SLC4A7: variants seen among roughly 807,000 people sequenced by gnomAD.
SLC4A7 encodes solute carrier family 4 member 7, also known as sodium bicarbonate cotransporter 3.
SLC4A7 carries 51 observed loss-of-function variants against 137.6 expected under a neutral mutation model. The ratio of observed to expected loss-of-function variants is 0.37; its 90% CI spans 0.30 to 0.47. SLC4A7 has a LOEUF of 0.47. Among genes scored for constraint, SLC4A7 ranks in the 20% least tolerant of loss-of-function variants. The pLI, the probability that SLC4A7 is intolerant of heterozygous loss-of-function variation, is 1.00. For synonymous variants in SLC4A7, 542 were observed against 518.6 expected, an observed-to-expected ratio of 1.05 and a Z score of -0.61; for missense variants, 1,247 against 1,525.4, an observed-to-expected ratio of 0.82 and a Z score of 3.04.
At chr3:27,379,415 T>A in intron 24 of SLC4A7, 59 bp from the exon 25 acceptor site, 1 of 830,468 alleles carries the variant, frequency 1.2e-6, no homozygotes, top group Non-Finnish European at 2.0e-6. Flanking sequence ...ATTAATATTG[T>A]CATTCTTATT....
rs527812944 is a variant in SLC4A7, at chr3:27,376,614, C to T, written c.*150G>A. On this transcript the variant is annotated 3_prime_UTR_variant, in exon 26 of 26. Coordinates refer to ENST00000454389, the MANE Select transcript of SLC4A7 (RefSeq NM_001321103.2). Reference sequence around the variant, plus strand: ...CATTTCATTAAATACATAGTCTCCACGGTGCTCATTACAAACTCCAGACAC... The same window carrying T: ...CATTTCATTAAATACATAGTCTCCATGGTGCTCATTACAAACTCCAGACAC... The T allele has an allele frequency of 9.8e-5, 46 of 470,048 alleles. 1 individual carries two copies. Among genetic ancestry groups the T allele is most frequent in the Admixed American group, 5.9e-4 (17 of 29,038 alleles). 29.1% of individuals were successfully genotyped at this position (470,048 alleles called of 1,614,324 possible).
chr3:27,424,008 T>C (rs370734398), intron 8 of SLC4A7, 29 bp downstream of exon 8: 2 of 1,233,310 alleles, frequency 1.6e-6, no homozygotes, highest in East Asian at 2.3e-5. Flanking sequence ...AGAATAATTA[T>C]GAGAATTTTC....
intron 7 of SLC4A7, among the ~76,000 whole-genome samples, chr3:27,425,370 T>TCAA (rs2055462796): frequency 8.8e-5 from 5 of 56,992 alleles, no homozygotes; most frequent in Non-Finnish European, 1.1e-4. Context: ...AACTCCGTCC[T>TCAA]AAAAAAAAAA....
intron 14 of SLC4A7, among the ~76,000 whole-genome samples, chr3:27,403,864 A>C (rs2150161699): frequency 6.6e-6 from 1 of 152,300 alleles, no homozygotes; most frequent in Admixed American, 6.5e-5. Context: ...CACCACAGAA[A>C]GTGATTTCTT....
intron 10 of SLC4A7, among the ~76,000 whole-genome samples, chr3:27,419,914 C>T (rs746084207): frequency 6.6e-6 from 1 of 151,686 alleles, no homozygotes; most frequent in Non-Finnish European, 1.5e-5. Flanking sequence ...ATGTGACAGG[C>T]GCGGTGGCTC....
At chr3:27,425,336 C>G (rs1329530592) in intron 7 of SLC4A7, among the ~76,000 whole-genome samples, 4 of 141,186 alleles carry the variant, frequency 2.8e-5, no homozygotes, top group Non-Finnish European at 6.1e-5. Context: ...CACCATTGCA[C>G]TCCAGCCTGG....
intron 1 of SLC4A7, among the ~76,000 whole-genome samples, chr3:27,460,380 A>G (rs2058634677): frequency 6.6e-6 from 1 of 152,106 alleles, no homozygotes; most frequent in Admixed American, 6.6e-5. Context: ...ATTCCATTCA[A>G]TATTTATAAT....
intron 8 of SLC4A7, among the ~76,000 whole-genome samples, chr3:27,422,593 T>C (rs2055100459): frequency 6.6e-6 from 1 of 152,150 alleles, no homozygotes; most frequent in African/African-American, 2.4e-5. Context: ...AAAACAAAAA[T>C]CTATAGCCCT....
At position 27,448,741 on chromosome 3, in the gene SLC4A7, G is replaced by A. The variant is rs757351887; in HGVS notation, c.199C>T (p.Arg67Cys). 7.4e-6 allele frequency: 12 copies of A among 1,612,708 alleles called. No individual in the cohort carries two copies. The highest frequency in any genetic ancestry group is 2.7e-5 in the African/African-American group (2 of 74,776). Residue 67 changes from arginine to cysteine, a missense_variant, in exon 3 of 26, where the codon CGT becomes TGT. This residue lies in a region of SLC4A7 where 176 missense variants were observed against 186.4 expected (regional missense o/e 0.94). Coordinates refer to ENST00000454389, the MANE Select transcript of SLC4A7 (RefSeq NM_001321103.2). ...TGTTTGTGTCCGCGATGCCTATGAC[G>A]CCGACGACTCTCTTTACTAAACGGG... is the stretch of plus-strand genomic sequence containing the variant. ...HVPFSKESRR[R>C]HRHRGHKHHH...
In SLC4A7 at chr3:27,379,012, T is replaced by C. The variant is rs763592957; in HGVS notation, c.3698+237A>G. Among the ~76,000 whole-genome samples the C allele has an allele frequency of 7.2e-5, 11 of 152,334 alleles. No individual in the cohort carries two copies. In the South Asian group the frequency reaches 8.3e-4, roughly 11 times the overall value. On this transcript the variant is annotated intron_variant, in intron 25 of 25. Transcript: ENST00000454389. ...GACCTCAGATGATCCTGACCTCAGA[T>C]GATCTGCCCGCTTCAGCCTCCCAAA...
At chr3:27,416,723 A>T (rs1341019601) in intron 11 of SLC4A7, among the ~76,000 whole-genome samples, 1 of 152,240 alleles carries the variant, frequency 6.6e-6, no homozygotes, top group African/African-American at 2.4e-5. Flanking sequence ...CCTTCATTTC[A>T]TATAAAAGCA....
chr3:27,405,341 T>TA (rs1307040096), intron 13 of SLC4A7, among the ~76,000 whole-genome samples: 4 of 151,892 alleles, frequency 2.6e-5, no homozygotes, highest in African/African-American at 7.2e-5. Flanking sequence ...AGTATAATCC[T>TA]AAAAAAAATC....
intron 13 of SLC4A7, among the ~76,000 whole-genome samples, chr3:27,405,572 T>C (rs1246633886): frequency 6.6e-6 from 1 of 152,172 alleles, no homozygotes; most frequent in African/African-American, 2.4e-5. Context: ...TAAAAAATAG[T>C]AAATAATATG....
intron 3 of SLC4A7, among the ~76,000 whole-genome samples, chr3:27,444,481 C>T (rs1021721941): frequency 2.6e-5 from 4 of 152,060 alleles, no homozygotes; most frequent in African/African-American, 7.2e-5. Flanking sequence ...ACTGATGCTC[C>T]CTTCATTCTT....
chr3:27,402,759 A>T (rs1209072587), intron 15 of SLC4A7, among the ~76,000 whole-genome samples: 8 of 150,680 alleles, frequency 5.3e-5, no homozygotes, highest in African/African-American at 1.7e-4. Flanking sequence ...AAAAATATAT[A>T]AAAAAAAGTC....
chr3:27,458,996 A>C (rs1311520083), intron 1 of SLC4A7, among the ~76,000 whole-genome samples: 1 of 152,184 alleles, frequency 6.6e-6, no homozygotes, highest in East Asian at 1.9e-4. Context: ...TTCCATCTAA[A>C]AAATAAAAAA....
chr3:27,443,024 C>CTTTT lies in SLC4A7; in HGVS notation c.290-5502_290-5499dup, dbSNP rs1156950293. Reference sequence around the variant, plus strand: ...CACCGCGCTGGGCATTCTCTTTTTTCTTTTTTTCTTTTTTTTTTTTTTTTT... The same window carrying CTTTT: ...CACCGCGCTGGGCATTCTCTTTTTTCTTTTTTTTTTTCTTTTTTTTTTTTTTTTT... On this transcript the variant is annotated intron_variant, in intron 3 of 25. Coordinates refer to ENST00000454389, the MANE Select transcript of SLC4A7 (RefSeq NM_001321103.2). Among the ~76,000 whole-genome samples, 342 of 102,062 alleles carry CTTTT rather than the reference C, an allele frequency of 3.4e-3. 31 individuals carry two copies. Among genetic ancestry groups the CTTTT allele is most frequent in the African/African-American group, 9.4e-3 (252 of 26,692 alleles). 67.0% of individuals were successfully genotyped at this position (102,062 alleles called of 152,430 possible).
intron 1 of SLC4A7, among the ~76,000 whole-genome samples, chr3:27,475,387 A>C (rs1376734728): frequency 6.6e-6 from 1 of 151,454 alleles, no homozygotes; most frequent in African/African-American, 2.4e-5. Flanking sequence ...GCACATGAGA[A>C]AAATGAGATT....
At chr3:27,461,208 GCACACACA>G (rs57056562) in intron 1 of SLC4A7, among the ~76,000 whole-genome samples, 189 of 149,948 alleles carry the variant, frequency 1.3e-3, no homozygotes, top group African/African-American at 4.3e-3. Context: ...CATCCAATTA[GCACACACA>G]CACACACACA....
Sources: gnomAD v4.1 joint callset for allele counts (sites outside exome capture counted in the v4.1 genomes callset) on GRCh38, gnomAD v4.1.1 for gene constraint, gnomAD v4.1.1 regional missense constraint, MANE v1.5 for transcripts, NCBI Gene and HGNC (gene_info 2026-07-23, HGNC 2026-07-21) for gene names.